Variants in DTNBP1 observed in about 807,000 individuals in gnomAD.
DTNBP1 encodes dystrobrevin binding protein 1.
A neutral mutation model predicts 42.8 loss-of-function variants in DTNBP1; 35 were observed. The ratio of observed to expected loss-of-function variants is 0.82; its 90% CI spans 0.63 to 1.09. The LOEUF is 1.09. Among genes scored for constraint, DTNBP1 ranks in the 50% least tolerant of loss-of-function variants. The pLI, the probability that DTNBP1 is intolerant of heterozygous loss-of-function variation, is 0.00. For synonymous variants in DTNBP1, 171 were observed against 162.2 expected (o/e 1.05, Z -0.41); for missense variants, 457 against 424.2 (o/e 1.08, Z -0.68).
chr6:15,532,910 G>A (rs1772962371), intron 8 of DTNBP1, among the ~76,000 whole-genome samples: 1 of 151,850 alleles, frequency 6.6e-6, no homozygotes, highest in African/African-American at 2.4e-5. Context: ...TGTTGGCCAG[G>A]TTGGTCTCAA....
intron 4 of DTNBP1, among the ~76,000 whole-genome samples, chr6:15,629,630 T>C (rs1759571352): frequency 6.6e-6 from 1 of 152,184 alleles, no homozygotes; most frequent in South Asian, 2.1e-4. Context: ...CTAAAACATT[T>C]TGAACATTTT....
chr6:15,524,411 G>T, intron 9 of DTNBP1, 115 bp downstream of exon 9: 1 of 1,614,216 alleles, frequency 6.2e-7, no homozygotes, highest in South Asian at 1.1e-5. Context: ...GGAGCTGGCT[G>T]TGAGCTTGGG....
At chr6:15,566,399 C>G (rs919453340) in intron 7 of DTNBP1, among the ~76,000 whole-genome samples, 1 of 151,910 alleles carries the variant, frequency 6.6e-6, no homozygotes, top group Non-Finnish European at 1.5e-5. Context: ...CCAAAGAAAC[C>G]TGAAAGGCCA....
chr6:15,636,632 C>T (rs1581421156), intron 4 of DTNBP1, among the ~76,000 whole-genome samples: 1 of 152,056 alleles, frequency 6.6e-6, no homozygotes. Flanking sequence ...TTTTTTTTCC[C>T]CCTAGCTTAA....
chr6:15,639,165 A>G (rs1760197987), intron 3 of DTNBP1, among the ~76,000 whole-genome samples: 1 of 152,202 alleles, frequency 6.6e-6, no homozygotes. Flanking sequence ...TGGAATCTGA[A>G]TAAGGCCTAT....
At position 15,637,717 on chromosome 6, in the gene DTNBP1, C is replaced by G; in HGVS notation, c.222+27G>C. ...AGCACTGAAAAAGGAAAGTTTGCCA[C>G]GAGTATAAGATTAGTCAATTCTTTA... On this transcript the variant is annotated intron_variant, in intron 4 of 9. Transcript: ENST00000344537. The G allele has an allele frequency of 3.7e-6, 6 of 1,612,240 alleles. No individual in the cohort carries two copies. The South Asian group carries it at 4.4e-5, about 12-fold the overall frequency.
intron 6 of DTNBP1, among the ~76,000 whole-genome samples, chr6:15,607,155 C>T (rs1758111696): frequency 6.6e-6 from 1 of 151,866 alleles, no homozygotes; most frequent in East Asian, 1.9e-4. Context: ...GGATTACAGG[C>T]ACCCACTACC....
chr6:15,640,009 A>G (rs73373623), intron 3 of DTNBP1, among the ~76,000 whole-genome samples: 3,887 of 151,998 alleles, frequency 0.026, 183 homozygotes, highest in African/African-American at 0.088. Flanking sequence ...CCTCATTTCT[A>G]CTTTCCTAGT....
At chr6:15,594,654 T>C (rs920042033) in intron 6 of DTNBP1, among the ~76,000 whole-genome samples, 1 of 151,946 alleles carries the variant, frequency 6.6e-6, no homozygotes, top group Non-Finnish European at 1.5e-5. Flanking sequence ...CACAAGAGAA[T>C]CTCAAAAAGA....
At chr6:15,623,600 T>C (rs1759167072) in intron 5 of DTNBP1, among the ~76,000 whole-genome samples, 1 of 152,076 alleles carries the variant, frequency 6.6e-6, no homozygotes, top group Non-Finnish European at 1.5e-5. Context: ...GAATCTTCTG[T>C]TCTAGATGAA....
At chr6:15,642,484 G>A (rs1376243082) in intron 3 of DTNBP1, among the ~76,000 whole-genome samples, 5 of 152,076 alleles carry the variant, frequency 3.3e-5, no homozygotes, top group Non-Finnish European at 5.9e-5. Context: ...CCTACCTGCC[G>A]GCTCTTACTC....
chr6:15,624,462 A>C (rs1387427588), intron 5 of DTNBP1, among the ~76,000 whole-genome samples: 1 of 152,246 alleles, frequency 6.6e-6, no homozygotes, highest in Non-Finnish European at 1.5e-5. Context: ...AGGTACCAGG[A>C]GCCATATTAA....
intron 8 of DTNBP1, among the ~76,000 whole-genome samples, chr6:15,529,973 G>A (rs1002477761): frequency 6.6e-6 from 1 of 152,254 alleles, no homozygotes; most frequent in Admixed American, 6.5e-5. Flanking sequence ...TGCTTGGGGG[G>A]CCACCTGGCC....
intron 7 of DTNBP1, among the ~76,000 whole-genome samples, chr6:15,579,530 G>A (rs559161404): frequency 1.3e-5 from 2 of 152,336 alleles, no homozygotes; most frequent in East Asian, 3.9e-4. Context: ...TTTTGGCCAG[G>A]TACGGTGGCT....
chr6:15,590,991 AG>A (rs1776275644), intron 7 of DTNBP1, among the ~76,000 whole-genome samples: 1 of 152,350 alleles, frequency 6.6e-6, no homozygotes, highest in South Asian at 2.1e-4. Flanking sequence ...AAAAGGAAAA[AG>A]GCAATATTCA....
intron 5 of DTNBP1, among the ~76,000 whole-genome samples, chr6:15,619,173 T>C (rs1207281415): frequency 6.6e-6 from 1 of 152,138 alleles, no homozygotes; most frequent in Non-Finnish European, 1.5e-5. Context: ...AGGGAGAGTA[T>C]AACAATTTAC....
chr6:15,626,799 G>T (rs1759375006), intron 5 of DTNBP1, among the ~76,000 whole-genome samples: 1 of 152,008 alleles, frequency 6.6e-6, no homozygotes, highest in Admixed American at 6.5e-5. Context: ...TGCCCAGGCT[G>T]GATTCAAACT....
intron 7 of DTNBP1, among the ~76,000 whole-genome samples, chr6:15,586,726 T>A (rs1158215984): frequency 6.6e-6 from 1 of 152,148 alleles, no homozygotes; most frequent in South Asian, 2.1e-4. Flanking sequence ...TCCTCTGCCA[T>A]CTGGTTTCTA....
intron 6 of DTNBP1, among the ~76,000 whole-genome samples, chr6:15,610,702 A>T (rs1163786399): frequency 6.6e-6 from 1 of 152,256 alleles, no homozygotes; most frequent in African/African-American, 2.4e-5. Flanking sequence ...ATATGGAGAA[A>T]GTCTGAGTGG....
Sources: gnomAD v4.1 joint callset for allele counts (sites outside exome capture counted in the v4.1 genomes callset) on GRCh38, gnomAD v4.1.1 for gene constraint, MANE v1.5 for transcripts, NCBI Gene and HGNC (gene_info 2026-07-23, HGNC 2026-07-21) for gene names.